DCC: variants seen among roughly 807,000 people sequenced by gnomAD.
The protein encoded by DCC is netrin receptor DCC.
Under a neutral mutation model 172.5 loss-of-function variants are expected in DCC, and 58 were observed. That is an observed-to-expected ratio of 0.34 (90% confidence interval 0.27 to 0.42). The LOEUF is 0.42. Ranked by LOEUF, DCC falls within the 10% of genes least tolerant of loss-of-function variation. DCC has a pLI of 1.00. For missense variants in DCC, 1,740 were observed against 1,791.0 expected (o/e 0.97, Z 0.51); for synonymous variants, 709 against 644.5 (o/e 1.10, Z -1.52).
intron 1 of DCC, among the ~76,000 whole-genome samples, chr18:52,585,661 G>A (rs1012689660): frequency 2.0e-5 from 3 of 152,180 alleles, no homozygotes; most frequent in Non-Finnish European, 4.4e-5. Flanking sequence ...GTTGAAGGTA[G>A]TTCTTTCATT....
intron 1 of DCC, among the ~76,000 whole-genome samples, chr18:52,694,793 T>C (rs1448441395): frequency 6.6e-6 from 1 of 152,124 alleles, no homozygotes; most frequent in Non-Finnish European, 1.5e-5. Context: ...CAAGTCACAT[T>C]TCTATGCCCA....
chr18:53,306,522 G>T (rs913000028), intron 13 of DCC, among the ~76,000 whole-genome samples: 10 of 152,152 alleles, frequency 6.6e-5, no homozygotes, highest in African/African-American at 2.2e-4. Flanking sequence ...TAGGTCTCCT[G>T]GGTGTCTCTT....
chr18:53,025,745 A>G (rs1258250958), intron 5 of DCC, among the ~76,000 whole-genome samples: 1 of 151,658 alleles, frequency 6.6e-6, no homozygotes, highest in East Asian at 1.9e-4. Flanking sequence ...ACTGGAGAAT[A>G]TAAGATTAAA....
chr18:53,091,585 G>T (rs2043009884), intron 7 of DCC, among the ~76,000 whole-genome samples: 1 of 151,524 alleles, frequency 6.6e-6, no homozygotes, highest in Non-Finnish European at 1.5e-5. Flanking sequence ...CTGGGCTGCA[G>T]ACTGATGGCT....
At position 52,956,365 on chromosome 18, in the gene DCC, A is replaced by C. The variant is rs77004352; in HGVS notation, c.985+30995A>C. Among the ~76,000 whole-genome samples the C allele has an allele frequency of 6.8e-4, 104 of 152,094 alleles. 1 individual carries two copies. The East Asian group carries it at 0.014, about 20-fold the overall frequency. ...TTGCTAATTTGTCAATGATCAATTG[A>C]CTACATTTATTAACTATATTTGAAA... On this transcript the variant is annotated intron_variant, in intron 5 of 28. Transcript: ENST00000442544.
intron 7 of DCC, among the ~76,000 whole-genome samples, chr18:53,126,357 C>T (rs2043557177): frequency 6.6e-6 from 1 of 152,078 alleles, no homozygotes; most frequent in Non-Finnish European, 1.5e-5. Flanking sequence ...AGTACATTAC[C>T]TAACTGGAGT....
intron 1 of DCC, among the ~76,000 whole-genome samples, chr18:52,598,950 G>T (rs9960698): frequency 6.6e-6 from 1 of 152,118 alleles, no homozygotes; most frequent in Non-Finnish European, 1.5e-5. Context: ...CCTCTATCAA[G>T]CTCTTTTATA....
chr18:53,461,122 G>A (rs2045553631), intron 24 of DCC, among the ~76,000 whole-genome samples: 1 of 152,144 alleles, frequency 6.6e-6, no homozygotes, highest in Non-Finnish European at 1.5e-5. Flanking sequence ...ACTTTTTGAT[G>A]GGGTTGTTTG....
chr18:52,831,137 G>C (rs1481417541), intron 2 of DCC, among the ~76,000 whole-genome samples: 1 of 152,094 alleles, frequency 6.6e-6, no homozygotes, highest in Non-Finnish European at 1.5e-5. Context: ...GAGGAAACAA[G>C]CAGTGGCAAG....
intron 1 of DCC, among the ~76,000 whole-genome samples, chr18:52,377,039 T>C (rs1204619754): frequency 1.3e-5 from 2 of 152,224 alleles, no homozygotes; most frequent in Non-Finnish European, 2.9e-5. Flanking sequence ...AATCTCTTTC[T>C]TCAGGCATAA....
intron 7 of DCC, among the ~76,000 whole-genome samples, chr18:53,118,569 T>A (rs2043439693): frequency 6.6e-6 from 1 of 151,786 alleles, no homozygotes; most frequent in Non-Finnish European, 1.5e-5. Context: ...AATTACTAAT[T>A]CTGAGTATAT....
chr18:52,344,843 G>A (rs1219471897), intron 1 of DCC, among the ~76,000 whole-genome samples: 3 of 152,032 alleles, frequency 2.0e-5, no homozygotes, highest in Non-Finnish European at 4.4e-5. Context: ...GTTGTTTCCG[G>A]GTATTTCTTT....
At chr18:53,177,261 C>T (rs1163410295) in intron 8 of DCC, among the ~76,000 whole-genome samples, 2 of 151,838 alleles carry the variant, frequency 1.3e-5, no homozygotes, top group African/African-American at 4.8e-5. Context: ...AGTGCACCAG[C>T]ATGGCACATG....
intron 12 of DCC, among the ~76,000 whole-genome samples, chr18:53,266,019 G>A (rs2056669300): frequency 1.3e-5 from 2 of 152,154 alleles, no homozygotes; most frequent in Admixed American, 1.3e-4. Context: ...TATCATGAAA[G>A]TTTCTCCCTC....
chr18:53,183,979 T>C (rs946103342), intron 9 of DCC, among the ~76,000 whole-genome samples: 1 of 146,954 alleles, frequency 6.8e-6, no homozygotes, highest in African/African-American at 2.5e-5. Context: ...GGGCAGCCAC[T>C]GGGTCTTGCC....
Position 52,371,269 on chromosome 18 carries a change from T to C in DCC, c.91+30391T>C, listed in dbSNP as rs143476973. Among the ~76,000 whole-genome samples the C allele has an allele frequency of 2.8e-4, 42 of 152,320 alleles. 1 individual carries two copies. The East Asian group carries it at 7.9e-3, about 29-fold the overall frequency. The stretch of plus-strand genomic sequence containing the variant: ...CTAGGTGCCACAAAATTTGTCTATG[T>C]TTGTGTATATGAATGAATGAGTGGA... On this transcript the variant is annotated intron_variant, in intron 1 of 28. Coordinates refer to ENST00000442544, the MANE Select transcript of DCC (RefSeq NM_005215.4).
intron 7 of DCC, among the ~76,000 whole-genome samples, chr18:53,148,865 C>CCTTTTTTTTTTTTTTTTTTTTTTTTTT (rs1163798156): frequency 9.1e-6 from 1 of 109,820 alleles, no homozygotes; most frequent in Non-Finnish European, 1.8e-5. Flanking sequence ...TTCCCAATGC[C>CCTTTTTTTTTTTTTTTTTTTTTTTTTT]TTTTTTTTTT....
At chr18:53,047,552 C>G (rs1240976160) in intron 5 of DCC, among the ~76,000 whole-genome samples, 1 of 139,020 alleles carries the variant, frequency 7.2e-6, no homozygotes, top group Non-Finnish European at 1.5e-5. Context: ...AATAACTGAC[C>G]CTACCCTTCG....
chr18:53,028,749 A>T (rs1032007586), intron 5 of DCC, among the ~76,000 whole-genome samples: 1 of 152,160 alleles, frequency 6.6e-6, no homozygotes, highest in Non-Finnish European at 1.5e-5. Flanking sequence ...TGACATGCAA[A>T]TATGCCAAAT....
Sources: gnomAD v4.1 joint callset for allele counts (sites outside exome capture counted in the v4.1 genomes callset) on GRCh38, gnomAD v4.1.1 for gene constraint, MANE v1.5 for transcripts, NCBI Gene and HGNC (gene_info 2026-07-23, HGNC 2026-07-21) for gene names.